BRIP1: variants seen among roughly 807,000 people sequenced by gnomAD.
The protein encoded by BRIP1 is BRCA1 interacting DNA helicase 1.
In BRIP1, 88 loss-of-function variants were observed where a neutral mutation model predicts 119.7. The observed-to-expected ratio is 0.74, with a 90% CI of 0.62 to 0.88. The LOEUF (loss-of-function observed/expected upper bound fraction) is 0.88, where lower values mean the gene tolerates loss of function less well. Ranked by LOEUF, BRIP1 falls within the 40% of genes least tolerant of loss-of-function variation. The pLI is 0.00. For missense variants in BRIP1, 1,259 were observed against 1,455.4 expected (o/e 0.87, Z 2.20); for synonymous variants, 443 against 496.5 (o/e 0.89, Z 1.43).
chr17:61,833,031 C>A (rs978774292), intron 6 of BRIP1, among the ~76,000 whole-genome samples: 2 of 151,998 alleles, frequency 1.3e-5, no homozygotes, highest in Non-Finnish European at 2.9e-5. Flanking sequence ...CTAAAATAAC[C>A]GAAAGATAAA....
At position 61,849,109 on chromosome 17, in the gene BRIP1, T is replaced by C. The variant is rs369270945; in HGVS notation, c.507+20A>G. 1.2e-6 allele frequency: 2 copies of C among 1,612,966 alleles called. No individual in the cohort carries two copies. The highest frequency in any genetic ancestry group is 1.7e-4 in the Middle Eastern group (1 of 6,058). On this transcript the variant is annotated intron_variant, in intron 5 of 19. Coordinates refer to ENST00000259008, the MANE Select transcript of BRIP1 (RefSeq NM_032043.3). ...AGCTGTAACTAACTGGGTTATTTAC[T>C]GCCAATAAACTCTGTTTACCTGCTG...
chr17:61,849,327 G>C (rs2145768768), intron 4 of BRIP1, 71 bp from the exon 5 acceptor site: 1 of 1,316,144 alleles, frequency 7.6e-7, no homozygotes, highest in East Asian at 2.3e-5. Context: ...AAGAAAACTG[G>C]AACCAGGATG....
intron 5 of BRIP1, among the ~76,000 whole-genome samples, chr17:61,847,565 A>T (rs2145748225): frequency 6.6e-6 from 1 of 152,346 alleles, no homozygotes; most frequent in African/African-American, 2.4e-5. Flanking sequence ...TCTAATTGGA[A>T]AATAAAAGTA....
intron 4 of BRIP1, among the ~76,000 whole-genome samples, chr17:61,855,768 C>G (rs2078888160): frequency 6.6e-6 from 1 of 152,044 alleles, no homozygotes; most frequent in African/African-American, 2.4e-5. Context: ...GCCAGGCACC[C>G]TGCTAGAGTT....
At chr17:61,764,233 A>G (rs996179814) in intron 14 of BRIP1, among the ~76,000 whole-genome samples, 2 of 152,192 alleles carry the variant, frequency 1.3e-5, no homozygotes, top group African/African-American at 4.8e-5. Context: ...CTGTAAGCAC[A>G]CCATCAGCAA....
chr17:61,727,442 T>C (rs1426094742), intron 16 of BRIP1, among the ~76,000 whole-genome samples: 1 of 152,176 alleles, frequency 6.6e-6, no homozygotes, highest in Non-Finnish European at 1.5e-5. Context: ...TATAACACTT[T>C]TGCTATCTAG....
At chr17:61,777,999 A>G (rs2077560539) in intron 13 of BRIP1, among the ~76,000 whole-genome samples, 1 of 152,182 alleles carries the variant, frequency 6.6e-6, no homozygotes, top group African/African-American at 2.4e-5. Flanking sequence ...TCTCATTAGC[A>G]TACAAAATGT....
At position 61,848,256 on chromosome 17, in the gene BRIP1, C is replaced by T. The variant is rs558880725; in HGVS notation, c.507+873G>A. On this transcript the variant is annotated intron_variant, in intron 5 of 19. Coordinates refer to ENST00000259008, the MANE Select transcript of BRIP1 (RefSeq NM_032043.3). This position sits in a 1 kb window ranked among gnomAD's most constrained non-coding sequence, Gnocchi z 4.3. ...ATAATTGCATGATCTTAGCTCACCACAGCCTTCAACTCCTAGGCTTGAGCA... is the reference window on the plus strand; with the variant it reads ...ATAATTGCATGATCTTAGCTCACCATAGCCTTCAACTCCTAGGCTTGAGCA... Among the ~76,000 whole-genome samples the T allele has an allele frequency of 4.6e-4, 70 of 152,328 alleles. No individual in the cohort carries two copies. The highest frequency in any genetic ancestry group is 1.7e-3 in the African/African-American group (69 of 41,576).
At position 61,744,408 on chromosome 17, in the gene BRIP1, G is replaced by T. The variant is rs773364678; in HGVS notation, c.2257+24C>A. The stretch of plus-strand genomic sequence containing the variant: ...TTGTAATAAAAAATATTTTTTCACC[G>T]ACCATGAAATAATTTCCAGTTACCT... On this transcript the variant is annotated intron_variant, in intron 15 of 19. Transcript: ENST00000259008. The surrounding 1 kb of genome is among the most constrained non-coding windows in gnomAD (Gnocchi z 5.0). 6.2e-7 allele frequency: 1 copy of T among 1,607,226 alleles called. No individual in the cohort carries two copies. The highest frequency in any genetic ancestry group is 1.1e-5 in the South Asian group (1 of 90,516).
In BRIP1 at chr17:61,862,969, T is replaced by C. The variant is rs2078990933; in HGVS notation, c.-31+315A>G. Among the ~76,000 whole-genome samples, 1 of 152,162 alleles carries C rather than the reference T, an allele frequency of 6.6e-6. No homozygotes were observed. Among genetic ancestry groups the C allele is most frequent in the Admixed American group, 6.5e-5 (1 of 15,286 alleles). On this transcript the variant is annotated intron_variant, in intron 1 of 19. Coordinates refer to ENST00000259008, the MANE Select transcript of BRIP1 (RefSeq NM_032043.3). This position sits in a 1 kb window ranked among gnomAD's most constrained non-coding sequence, Gnocchi z 5.3. ...CTGGCCTAGTTACTCAGATATAATC[T>C]AGAAATCAGCCCGTCCTGTACCCCG...
intron 17 of BRIP1, among the ~76,000 whole-genome samples, chr17:61,711,606 C>T (rs2061775848): frequency 6.6e-6 from 1 of 151,712 alleles, no homozygotes; most frequent in African/African-American, 2.4e-5. Context: ...TGGTGGCTCA[C>T]GCCTGTAATC....
chr17:61,753,187 A>G lies in BRIP1; in HGVS notation c.2098-8596T>C, dbSNP rs2144774278. Among the ~76,000 whole-genome samples, 1 of 152,286 alleles carries G rather than the reference A, an allele frequency of 6.6e-6. No individual in the cohort carries two copies. Among genetic ancestry groups the G allele is most frequent in the Admixed American group, 6.5e-5 (1 of 15,292 alleles). ...CCCTGGGACTCAGCAGAGAGTTCCC[A>G]CCAGCAAGAAGGCCCGCACCAGATG... is the stretch of plus-strand genomic sequence containing the variant. On this transcript the variant is annotated intron_variant, in intron 14 of 19. Coordinates refer to ENST00000259008, the MANE Select transcript of BRIP1 (RefSeq NM_032043.3). This position sits in a 1 kb window ranked among gnomAD's most constrained non-coding sequence, Gnocchi z 4.6.
chr17:61,742,971 A>T lies in BRIP1; in HGVS notation c.2379+42T>A. On this transcript the variant is annotated intron_variant, in intron 16 of 19. Transcript: ENST00000259008. The surrounding 1 kb of genome is among the most constrained non-coding windows in gnomAD (Gnocchi z 4.7). ...CTGCAATTAACTTTATACAAAACCA[A>T]TGACTCCTGTAATAATAAAACTTAA... 2.5e-6 allele frequency: 4 copies of T among 1,609,064 alleles called. No homozygotes were observed. Among genetic ancestry groups the T allele is most frequent in the Non-Finnish European group, 3.4e-6 (4 of 1,175,896 alleles).
At chr17:61,702,913 C>T (rs1463455308) in intron 17 of BRIP1, among the ~76,000 whole-genome samples, 4 of 151,508 alleles carry the variant, frequency 2.6e-5, no homozygotes, top group Non-Finnish European at 5.9e-5. Context: ...AACTAATTTA[C>T]ATTCCCACCA....
rs1555609575 is a variant in BRIP1 at position 61,809,819 on chromosome 17, G to GA, written c.628-1063_628-1062insT. Among the ~76,000 whole-genome samples, 1 of 151,274 alleles carries GA rather than the reference G, an allele frequency of 6.6e-6. No homozygotes were observed. Among genetic ancestry groups the GA allele is most frequent in the Non-Finnish European group, 1.5e-5 (1 of 67,736 alleles). On this transcript the variant is annotated intron_variant, in intron 6 of 19. Transcript: ENST00000259008. This position sits in a 1 kb window ranked among gnomAD's most constrained non-coding sequence, Gnocchi z 5.2. The stretch of plus-strand genomic sequence containing the variant: ...AGTAGAACAAACACTCTACTTGACT[G>GA]TTTTTTTTTATTATTGTAATCAGTA...
rs538969826 is a variant in BRIP1, at chr17:61,716,471, G to C, written c.2380-408C>G. Among the ~76,000 whole-genome samples the C allele has an allele frequency of 4.6e-5, 7 of 151,948 alleles. No individual in the cohort carries two copies. The South Asian group carries it at 1.0e-3, about 23-fold the overall frequency. On this transcript the variant is annotated intron_variant, in intron 16 of 19. Coordinates refer to ENST00000259008, the MANE Select transcript of BRIP1 (RefSeq NM_032043.3). ...TGCTGGCCCTGGCAACCACTGATCT[G>C]CTTTCTGTTTTGCCCTTTATAGAAT...
rs544203451 is a variant in BRIP1 at position 61,722,810 on chromosome 17, G to T, written c.2380-6747C>A. Among the ~76,000 whole-genome samples the T allele has an allele frequency of 7.9e-5, 12 of 152,118 alleles. No homozygotes were observed. The South Asian group carries it at 2.3e-3, about 29-fold the overall frequency. On this transcript the variant is annotated intron_variant, in intron 16 of 19. Transcript: ENST00000259008. The surrounding 1 kb of genome is among the most constrained non-coding windows in gnomAD (Gnocchi z 4.6). ...TTAACATAATTAAAATTTTCTGTAT[G>T]GCTACATTGTTTTAATTTATTGCAA...
Position 61,717,944 on chromosome 17 carries a change from ATT to A in BRIP1, c.2380-1883_2380-1882del, listed in dbSNP as rs1164961212. 6.6e-6 allele frequency among the ~76,000 whole-genome samples: 1 copy of A among 151,984 alleles called. No individual in the cohort carries two copies. The highest frequency in any genetic ancestry group is 1.5e-5 in the Non-Finnish European group (1 of 67,984). ...CTGCAGTGTCTAATCCATCCAGTGT[ATT>A]TTTTGTTTCATATAGAGAGATTTCA... On this transcript the variant is annotated intron_variant, in intron 16 of 19. Coordinates refer to ENST00000259008, the MANE Select transcript of BRIP1 (RefSeq NM_032043.3). This position sits in a 1 kb window ranked among gnomAD's most constrained non-coding sequence, Gnocchi z 4.1.
rs943771895 is a variant in BRIP1 at position 61,856,109 on chromosome 17, G to A, written c.379+949C>T. Reference sequence around the variant, plus strand: ...AGAAAGCATAAATCTTTGAAGGAAAGGGAAGAAATCCAAAAGGCCAAAATC... The same window carrying A: ...AGAAAGCATAAATCTTTGAAGGAAAAGGAAGAAATCCAAAAGGCCAAAATC... On this transcript the variant is annotated intron_variant, in intron 4 of 19. Coordinates refer to ENST00000259008, the MANE Select transcript of BRIP1 (RefSeq NM_032043.3). The surrounding 1 kb of genome is among the most constrained non-coding windows in gnomAD (Gnocchi z 5.1). Among the ~76,000 whole-genome samples, 2 of 152,146 alleles carry A rather than the reference G, an allele frequency of 1.3e-5. No individual in the cohort carries two copies. Among genetic ancestry groups the A allele is most frequent in the Non-Finnish European group, 1.5e-5 (1 of 68,022 alleles).
Sources: allele counts gnomAD v4.1 joint callset (sites outside exome capture counted in the v4.1 genomes callset), GRCh38; gene constraint gnomAD v4.1.1; non-coding constraint Gnocchi (gnomAD v3.1); transcripts MANE v1.5; gene names NCBI Gene and HGNC (gene_info 2026-07-23, HGNC 2026-07-21).